TMEM154: variants seen among roughly 807,000 people sequenced by gnomAD.
TMEM154 encodes transmembrane protein 154.
Under a neutral mutation model 24.5 loss-of-function variants are expected in TMEM154, and 27 were observed. The ratio of observed to expected loss-of-function variants is 1.10; its 90% CI spans 0.81 to 1.52. The LOEUF (loss-of-function observed/expected upper bound fraction) is 1.52, where lower values mean the gene tolerates loss of function less well. TMEM154 is among the 40% of genes most tolerant of loss of function. The pLI is 0.00. For missense variants in TMEM154, 228 were observed against 213.4 expected, an observed-to-expected ratio of 1.07 and a Z score of -0.43; for synonymous variants, 67 against 76.8, an observed-to-expected ratio of 0.87 and a Z score of 0.67.
intron 3 of TMEM154, among the ~76,000 whole-genome samples, chr4:152,648,050 A>T (rs1728299960): frequency 6.6e-6 from 1 of 152,210 alleles, no homozygotes; most frequent in African/African-American, 2.4e-5. Flanking sequence ...AAGAGAAGGA[A>T]GGAAGGAAGG....
Position 152,644,838 on chromosome 4 carries a change from T to C in TMEM154, c.365-396A>G, listed in dbSNP as rs188227092. ...AAGGCTGCTGCTTCATCTCCTGTGA[T>C]ACACCATGCTGAACACTGTGACACT... is the stretch of plus-strand genomic sequence containing the variant. On this transcript the variant is annotated intron_variant, in intron 3 of 6. Coordinates refer to ENST00000304385, the MANE Select transcript of TMEM154 (RefSeq NM_152680.3). Among the ~76,000 whole-genome samples the C allele has an allele frequency of 2.7e-3, 406 of 152,364 alleles. 1 individual carries two copies. Among genetic ancestry groups the C allele is most frequent in the Non-Finnish European group, 4.6e-3 (310 of 68,022 alleles).
chr4:152,640,900 T>G, intron 6 of TMEM154, 28 bp downstream of exon 6: 7 of 781,808 alleles, frequency 9.0e-6, no homozygotes, highest in Non-Finnish European at 1.5e-5. Context: ...GCCATATACA[T>G]GTAATCTGTG....
In TMEM154 at chr4:152,621,050, T is replaced by C. The variant is rs1425963111; in HGVS notation, c.*7496A>G. The C allele has an allele frequency of 3.3e-5, 5 of 152,242 alleles. No homozygotes were observed. The highest frequency in any genetic ancestry group is 7.3e-5 in the Non-Finnish European group (5 of 68,046). The allele number at this position is 152,242 out of a possible 1,614,324, so 9.4% of individuals were successfully genotyped here. ...CACCACTTTGTGAGACAGAATCCCT[T>C]ATTGTTGAAAGTGATAATGTACCAA... On this transcript the variant is annotated 3_prime_UTR_variant, in exon 7 of 7. Transcript: ENST00000304385.
chr4:152,661,290 CT>C (rs1728598570), intron 1 of TMEM154, among the ~76,000 whole-genome samples: 1 of 49,052 alleles, frequency 2.0e-5, no homozygotes, highest in Non-Finnish European at 4.5e-5. Flanking sequence ...CTCTTTCTCT[CT>C]CTCTCTCTCT....
At chr4:152,679,830 C>T (rs1203239642) in intron 1 of TMEM154, 40 bp downstream of exon 1, 1 of 1,585,272 alleles carries the variant, frequency 6.3e-7, no homozygotes, top group Middle Eastern at 1.7e-4. Context: ...CCAGCTTTTG[C>T]GATCCTCCTT....
intron 3 of TMEM154, among the ~76,000 whole-genome samples, chr4:152,651,376 G>A (rs1728379863): frequency 6.6e-6 from 1 of 152,300 alleles, no homozygotes. Context: ...CTATGGTTGA[G>A]TGTAGCCACC....
intron 6 of TMEM154, 99 bp downstream of exon 6, chr4:152,640,829 A>T: frequency 1.0e-6 from 1 of 977,668 alleles, no homozygotes; most frequent in Non-Finnish European, 1.6e-6. Flanking sequence ...CATACGAATT[A>T]TAGGCACGGA....
intron 6 of TMEM154, 34 bp downstream of exon 6, chr4:152,640,894 T>TA: frequency 1.3e-6 from 1 of 761,906 alleles, no homozygotes; most frequent in Non-Finnish European, 2.2e-6. Context: ...CCCCCCGCCA[T>TA]ATACATGTAA....
intron 6 of TMEM154, among the ~76,000 whole-genome samples, chr4:152,640,427 G>A (rs1248495322): frequency 6.6e-6 from 1 of 152,150 alleles, no homozygotes; most frequent in Non-Finnish European, 1.5e-5. Flanking sequence ...ATTGTGGAAT[G>A]CTAAACTATA....
At chr4:152,641,602 G>T (rs3936131) in intron 5 of TMEM154, among the ~76,000 whole-genome samples, 1 of 150,052 alleles carries the variant, frequency 6.7e-6, no homozygotes, top group African/African-American at 2.5e-5. Context: ...GGCACAAAAC[G>T]TAATACAACA....
chr4:152,649,575 G>A (rs1487661591), intron 3 of TMEM154, among the ~76,000 whole-genome samples: 1 of 152,188 alleles, frequency 6.6e-6, no homozygotes, highest in Non-Finnish European at 1.5e-5. Flanking sequence ...GGGATGTGGG[G>A]TGGGGGAGAA....
chr4:152,657,918 C>G (rs1052855811), intron 1 of TMEM154, among the ~76,000 whole-genome samples: 2 of 152,048 alleles, frequency 1.3e-5, no homozygotes, highest in Admixed American at 6.6e-5. Flanking sequence ...AAAGTCTTTC[C>G]CAGACATGCA....
In TMEM154 at chr4:152,679,980, G is replaced by A. The variant is rs1268426246; in HGVS notation, c.-47C>T. On this transcript the variant is annotated 5_prime_UTR_variant, in exon 1 of 7. Transcript: ENST00000304385. Reference sequence around the variant, plus strand: ...CGCGCTCAGGATGCTGCGCCGGGCTGCAGCCTCTCTGAAACGTGAACATTT... The same window carrying A: ...CGCGCTCAGGATGCTGCGCCGGGCTACAGCCTCTCTGAAACGTGAACATTT... 1 of 1,549,156 alleles carries A rather than the reference G, an allele frequency of 6.5e-7. No homozygotes were observed.
Position 152,654,536 on chromosome 4 carries a change from C to T in TMEM154, c.65-1609G>A, listed in dbSNP as rs541354186. ...TCCCCTCAAATTCATATATTGAAGC[C>T]CTAATCCTCAATGTGATGGATTAGG... On this transcript the variant is annotated intron_variant, in intron 1 of 6. Coordinates refer to ENST00000304385, the MANE Select transcript of TMEM154 (RefSeq NM_152680.3). 4.6e-5 allele frequency among the ~76,000 whole-genome samples: 7 copies of T among 152,188 alleles called. No individual in the cohort carries two copies. In the South Asian group the frequency reaches 6.2e-4, roughly 14 times the overall value.
chr4:152,637,996 C>T (rs953463486), intron 6 of TMEM154, among the ~76,000 whole-genome samples: 7 of 152,230 alleles, frequency 4.6e-5, no homozygotes, highest in Non-Finnish European at 8.8e-5. Flanking sequence ...CACAGTGGCT[C>T]ACTCCTGTCA....
At chr4:152,660,662 C>T (rs1453592359) in intron 1 of TMEM154, among the ~76,000 whole-genome samples, 4 of 152,194 alleles carry the variant, frequency 2.6e-5, no homozygotes, top group Admixed American at 1.3e-4. Flanking sequence ...CAGTGTTTTC[C>T]CTCCCTCAGG....
At chr4:152,643,553 C>G (rs569952871) in intron 4 of TMEM154, among the ~76,000 whole-genome samples, 2 of 152,318 alleles carry the variant, frequency 1.3e-5, no homozygotes, top group African/African-American at 4.8e-5. Flanking sequence ...ACTTCCTGTT[C>G]CTTGGGGTTT....
At chr4:152,633,325 G>A (rs2149778202) in intron 6 of TMEM154, among the ~76,000 whole-genome samples, 1 of 152,358 alleles carries the variant, frequency 6.6e-6, no homozygotes, top group South Asian at 2.1e-4. Flanking sequence ...CTGGTGCTGG[G>A]ATGGACATCA....
chr4:152,664,261 A>T (rs1002177318), intron 1 of TMEM154, among the ~76,000 whole-genome samples: 10 of 152,194 alleles, frequency 6.6e-5, no homozygotes, highest in Admixed American at 5.9e-4. Context: ...ATTCGCAGCA[A>T]ACTAACACAG....
Sources: allele counts gnomAD v4.1 joint callset (sites outside exome capture counted in the v4.1 genomes callset), GRCh38; gene constraint gnomAD v4.1.1; transcripts MANE v1.5; gene names NCBI Gene and HGNC (gene_info 2026-07-23, HGNC 2026-07-21).